METTL25: variants seen among roughly 807,000 people sequenced by gnomAD.
METTL25 encodes the protein probable methyltransferase-like protein 25.
A neutral mutation model predicts 71.6 loss-of-function variants in METTL25; 64 were observed. The observed-to-expected ratio is 0.89, with a 90% confidence interval of 0.73 to 1.10. The LOEUF is 1.10. Ranked by LOEUF, METTL25 falls within the 50% of genes least tolerant of loss-of-function variation. The probability of loss-of-function intolerance (pLI) is 0.00; values close to 1 mark genes in which losing one functional copy is unlikely to be tolerated. For missense variants in METTL25, 807 were observed against 707.0 expected, an observed-to-expected ratio of 1.14 and a Z score of -1.60; for synonymous variants, 287 against 250.3, an observed-to-expected ratio of 1.15 and a Z score of -1.38.
chr12:82,438,813 A>G (rs200336143), intron 8 of METTL25, 22 bp downstream of exon 8: 40 of 1,491,470 alleles, frequency 2.7e-5, no homozygotes, highest in Non-Finnish European at 3.6e-5. Flanking sequence ...TTATTTTAAT[A>G]AGAATAACTA....
At chr12:82,437,656 A>C (rs1490853767) in intron 7 of METTL25, among the ~76,000 whole-genome samples, 1 of 151,742 alleles carries the variant, frequency 6.6e-6, no homozygotes, top group Non-Finnish European at 1.5e-5. Context: ...AAAACATGTG[A>C]AAATAACAGT....
At chr12:82,434,070 A>T (rs1232551330) in intron 6 of METTL25, among the ~76,000 whole-genome samples, 1 of 151,216 alleles carries the variant, frequency 6.6e-6, no homozygotes, top group African/African-American at 2.4e-5. Context: ...TGGATTTTAA[A>T]TAAATATAAA....
chr12:82,391,850 C>CCAA (rs1202265842), intron 3 of METTL25, among the ~76,000 whole-genome samples: 1 of 151,386 alleles, frequency 6.6e-6, no homozygotes, highest in Non-Finnish European at 1.5e-5. Context: ...TACATTCCCA[C>CCAA]CAACAGTATA....
intron 1 of METTL25, among the ~76,000 whole-genome samples, chr12:82,381,859 G>A (rs544772416): frequency 1.3e-5 from 2 of 152,194 alleles, no homozygotes; most frequent in Non-Finnish European, 2.9e-5. Flanking sequence ...TTGTCTATCA[G>A]AGTTTTATTG....
At chr12:82,460,787 T>G (rs1203578481) in intron 9 of METTL25, among the ~76,000 whole-genome samples, 1 of 152,094 alleles carries the variant, frequency 6.6e-6, no homozygotes, top group African/African-American at 2.4e-5. Context: ...CTAAAGAAAT[T>G]TGAATATAAT....
intron 6 of METTL25, among the ~76,000 whole-genome samples, chr12:82,432,249 T>A (rs1428342601): frequency 6.6e-6 from 1 of 151,712 alleles, no homozygotes; most frequent in Non-Finnish European, 1.5e-5. Flanking sequence ...AGAATTATCT[T>A]AGAAATGTAT....
intron 9 of METTL25, among the ~76,000 whole-genome samples, chr12:82,475,534 ATAAAT>A (rs1220830073): frequency 1.3e-5 from 2 of 152,162 alleles, no homozygotes; most frequent in African/African-American, 4.8e-5. Context: ...TGAAAAAATA[ATAAAT>A]TTATTTAAAC....
chr12:82,398,781 T>C lies in METTL25; in HGVS notation c.532-14T>C. 1 of 1,424,010 alleles carries C rather than the reference T, an allele frequency of 7.0e-7. No individual in the cohort carries two copies. Among genetic ancestry groups the C allele is most frequent in the Non-Finnish European group, 9.2e-7 (1 of 1,087,106 alleles). The allele number at this position is 1,424,010 out of a possible 1,614,324, so 88.2% of individuals were successfully genotyped here. Reference sequence around the variant, plus strand: ...CCTAAAATTCTTTAATTTATTCTTTTTTTCTAATCTTAGGTGATTGACTTG... The same window carrying C: ...CCTAAAATTCTTTAATTTATTCTTTCTTTCTAATCTTAGGTGATTGACTTG... On this transcript the variant is annotated splice_polypyrimidine_tract_variant and intron_variant, in intron 3 of 11. Transcript: ENST00000248306.
chr12:82,445,444 A>G (rs1890671344), intron 8 of METTL25, among the ~76,000 whole-genome samples: 1 of 151,904 alleles, frequency 6.6e-6, no homozygotes, highest in Non-Finnish European at 1.5e-5. Flanking sequence ...TTTTATAGCC[A>G]CCTCTTATTA....
intron 1 of METTL25, among the ~76,000 whole-genome samples, chr12:82,370,159 C>T (rs570763926): frequency 5.3e-5 from 8 of 152,250 alleles, no homozygotes; most frequent in African/African-American, 1.7e-4. Context: ...GTAGTGTCCT[C>T]CATAGGGGAA....
At chr12:82,383,818 TTCTA>T (rs1324828347) in intron 1 of METTL25, among the ~76,000 whole-genome samples, 1 of 152,206 alleles carries the variant, frequency 6.6e-6, no homozygotes, top group African/African-American at 2.4e-5. Context: ...TATATGACTC[TTCTA>T]TCTTTGTCCT....
intron 9 of METTL25, among the ~76,000 whole-genome samples, chr12:82,470,228 C>A (rs1892491806): frequency 6.6e-6 from 1 of 152,248 alleles, no homozygotes; most frequent in African/African-American, 2.4e-5. Flanking sequence ...TGTTACATTT[C>A]TTAGGTTCCT....
At chr12:82,365,579 T>C (rs1882468520) in intron 1 of METTL25, among the ~76,000 whole-genome samples, 1 of 152,216 alleles carries the variant, frequency 6.6e-6, no homozygotes, top group African/African-American at 2.4e-5. Flanking sequence ...AAGTAATGAC[T>C]GTAAGTGTAA....
At chr12:82,431,397 ACTCTAGCCCATAATGTT>A in intron 6 of METTL25, among the ~76,000 whole-genome samples, 1 of 151,682 alleles carries the variant, frequency 6.6e-6, no homozygotes, top group Middle Eastern at 3.4e-3. Flanking sequence ...GACCTAGAAC[ACTCTAGCCCATAATGTT>A]CTCTGTTCAT....
intron 8 of METTL25, among the ~76,000 whole-genome samples, chr12:82,451,510 CA>C (rs1333374759): frequency 6.6e-6 from 1 of 152,112 alleles, no homozygotes; most frequent in Admixed American, 6.6e-5. Flanking sequence ...AAAGTACTTA[CA>C]ACAATGCCTG....
chr12:82,425,645 T>C (rs1328216264), intron 5 of METTL25, among the ~76,000 whole-genome samples: 1 of 152,002 alleles, frequency 6.6e-6, no homozygotes, highest in African/African-American at 2.4e-5. Context: ...AAAGATAATA[T>C]TGCTCTTAGT....
At chr12:82,427,212 T>C (rs542707252) in intron 5 of METTL25, among the ~76,000 whole-genome samples, 1 of 152,094 alleles carries the variant, frequency 6.6e-6, no homozygotes, top group East Asian at 1.9e-4. Context: ...AGTGGATTTC[T>C]CTCCCACATT....
chr12:82,398,848 G>A lies in METTL25; in HGVS notation c.585G>A (p.Lys195=), dbSNP rs1886319906. The stretch of plus-strand genomic sequence containing the variant: ...ACCTAAGCTCTTTTTTGTCCTTGAA[G>A]TATGGCTTAAAAGTTTATGGAATTG... ...KGYLSSFLSL[K]YGLKVYGIDS... The change falls in exon 4 of 12, where the codon AAG becomes AAA. Residue 195 remains lysine (K), a synonymous_variant. Transcript: ENST00000248306. 2 of 1,590,392 alleles carry A rather than the reference G, an allele frequency of 1.3e-6. No homozygotes were observed. Among genetic ancestry groups the A allele is most frequent in the Non-Finnish European group, 1.7e-6 (2 of 1,173,582 alleles).
At chr12:82,418,068 G>A (rs530681996) in intron 5 of METTL25, among the ~76,000 whole-genome samples, 1 of 152,246 alleles carries the variant, frequency 6.6e-6, no homozygotes, top group East Asian at 1.9e-4. Flanking sequence ...ATGGAAGGTG[G>A]CGATAGTGCA....
Sources: gnomAD v4.1 joint callset for allele counts (sites outside exome capture counted in the v4.1 genomes callset) on GRCh38, gnomAD v4.1.1 for gene constraint, MANE v1.5 for transcripts, NCBI Gene and HGNC (gene_info 2026-07-23, HGNC 2026-07-21) for gene names.